Variants in LIMA1 observed in about 807,000 individuals in gnomAD.
The protein encoded by LIMA1 is LIM domain and actin binding 1.
In LIMA1, 52 loss-of-function variants were observed where a neutral mutation model predicts 62.6. The ratio of observed to expected loss-of-function variants is 0.83; its 90% CI spans 0.67 to 1.05. The LOEUF is 1.05. Among genes scored for constraint, LIMA1 ranks in the 50% least tolerant of loss-of-function variants. The probability of loss-of-function intolerance (pLI) is 0.00; values close to 1 mark genes in which losing one functional copy is unlikely to be tolerated. For missense variants in LIMA1, 780 were observed against 902.2 expected, an observed-to-expected ratio of 0.86 and a Z score of 1.74; for synonymous variants, 302 against 317.8, an observed-to-expected ratio of 0.95 and a Z score of 0.53.
chr12:50,258,312 GT>G (rs1203540433), intron 1 of LIMA1, among the ~76,000 whole-genome samples: 1 of 152,104 alleles, frequency 6.6e-6, no homozygotes, highest in Admixed American at 6.5e-5. Flanking sequence ...GTGTGTGTGT[GT>G]GTGTGTGTGA....
intron 1 of LIMA1, among the ~76,000 whole-genome samples, chr12:50,252,380 G>C (rs1314820458): frequency 6.6e-6 from 1 of 152,022 alleles, no homozygotes; most frequent in African/African-American, 2.4e-5. Context: ...AGGAGTTTGA[G>C]ACCAGCCTGC....
chr12:50,231,853 T>A (rs1194149922), intron 2 of LIMA1, 143 bp from the exon 3 acceptor site: 1 of 713,670 alleles, frequency 1.4e-6, no homozygotes, highest in East Asian at 2.8e-5. Flanking sequence ...CTGCAACTTC[T>A]ACCTCCCGGG....
Position 50,193,676 on chromosome 12 carries a change from T to A in LIMA1, c.1031-1115A>T, listed in dbSNP as rs1490352918. 1.6e-4 allele frequency among the ~76,000 whole-genome samples: 21 copies of A among 132,102 alleles called. 1 individual carries two copies. The highest frequency in any genetic ancestry group is 4.3e-4 in the African/African-American group (15 of 35,038). The allele number at this position is 132,102 out of a possible 152,430, so 86.7% of individuals were successfully genotyped here. Reference sequence around the variant, plus strand: ...TATATATATATATATATTTTTTTTTTTTTTTTTTTTCAGAGTCTCACTCTG... The same window carrying A: ...TATATATATATATATATTTTTTTTTATTTTTTTTTTCAGAGTCTCACTCTG... On this transcript the variant is annotated intron_variant, in intron 8 of 10. Coordinates refer to ENST00000341247, the MANE Select transcript of LIMA1 (RefSeq NM_016357.5).
At chr12:50,237,776 A>C (rs1168169826) in intron 2 of LIMA1, among the ~76,000 whole-genome samples, 4 of 152,246 alleles carry the variant, frequency 2.6e-5, no homozygotes, top group Non-Finnish European at 5.9e-5. Context: ...ACAGCCCAGA[A>C]ATAAACCCTT....
chr12:50,192,897 T>C (rs1159102929), intron 8 of LIMA1, among the ~76,000 whole-genome samples: 1 of 152,222 alleles, frequency 6.6e-6, no homozygotes, highest in Non-Finnish European at 1.5e-5. Flanking sequence ...TTTTGGTCAT[T>C]AACATTCCTA....
chr12:50,208,629 AAC>A (rs2138502277), intron 4 of LIMA1, among the ~76,000 whole-genome samples: 1 of 152,276 alleles, frequency 6.6e-6, no homozygotes, highest in South Asian at 2.1e-4. Flanking sequence ...CAGCCTGGGC[AAC>A]AGAGTGTGAC....
intron 1 of LIMA1, among the ~76,000 whole-genome samples, chr12:50,261,040 ATATTTT>A (rs1942062337): frequency 6.1e-5 from 3 of 48,894 alleles, no homozygotes; most frequent in Admixed American, 3.1e-4. Context: ...GCCATCTAGT[ATATTTT>A]TTTTTTTTTT....
chr12:50,257,287 T>C (rs1942008788), intron 1 of LIMA1, among the ~76,000 whole-genome samples: 1 of 152,198 alleles, frequency 6.6e-6, no homozygotes, highest in African/African-American at 2.4e-5. Flanking sequence ...TACATAGAGA[T>C]GAAGTCTCCC....
chr12:50,278,039 G>A (rs1942295254), intron 1 of LIMA1, among the ~76,000 whole-genome samples: 1 of 152,176 alleles, frequency 6.6e-6, no homozygotes, highest in South Asian at 2.1e-4. Context: ...ACTTTGGGAG[G>A]CCGAGGTGGG....
chr12:50,203,085 C>T (rs2138478552), intron 6 of LIMA1, among the ~76,000 whole-genome samples: 1 of 149,294 alleles, frequency 6.7e-6, no homozygotes, highest in East Asian at 2.0e-4. Flanking sequence ...TCTCAGCTCA[C>T]TGTAACCTCC....
At chr12:50,217,820 C>T in intron 4 of LIMA1, 2 of 289,392 alleles carry the variant, frequency 6.9e-6, no homozygotes, top group African/African-American at 2.2e-5. Flanking sequence ...GGGAAGTACA[C>T]AGGCATCTAG....
chr12:50,235,475 C>T (rs963709810), intron 2 of LIMA1, among the ~76,000 whole-genome samples: 1 of 151,668 alleles, frequency 6.6e-6, no homozygotes, highest in Non-Finnish European at 1.5e-5. Context: ...AAGTTTGCCA[C>T]GCTGGTCTCG....
At chr12:50,224,526 G>C (rs542873556) in intron 3 of LIMA1, 1 of 152,314 alleles carries the variant, frequency 6.6e-6, no homozygotes, top group African/African-American at 2.4e-5. Flanking sequence ...CCACACAATG[G>C]ATGAGTCATC....
chr12:50,255,611 A>T (rs1208624191), intron 1 of LIMA1, among the ~76,000 whole-genome samples: 1 of 151,558 alleles, frequency 6.6e-6, no homozygotes, highest in Non-Finnish European at 1.5e-5. Flanking sequence ...AAGAAAGGAA[A>T]GAAAGAAAAG....
chr12:50,268,448 GATA>G (rs1447815401), intron 1 of LIMA1, among the ~76,000 whole-genome samples: 1 of 152,174 alleles, frequency 6.6e-6, no homozygotes, highest in Non-Finnish European at 1.5e-5. Context: ...CATCTAGACA[GATA>G]ATGTCAGAAT....
chr12:50,280,457 C>T (rs1306371813), intron 1 of LIMA1, among the ~76,000 whole-genome samples: 1 of 151,940 alleles, frequency 6.6e-6, no homozygotes, highest in South Asian at 2.1e-4. Flanking sequence ...CGCGCCCGGC[C>T]CAGGGTAGTA....
chr12:50,215,114 T>G (rs981304196), intron 4 of LIMA1, among the ~76,000 whole-genome samples: 4 of 152,146 alleles, frequency 2.6e-5, no homozygotes, highest in African/African-American at 4.8e-5. Context: ...CATCACACTT[T>G]AGCTTGGTTG....
In LIMA1 at chr12:50,177,249, G is replaced by C; in HGVS notation, c.2095C>G (p.Pro699Ala). Residue 699 changes from proline (P) to alanine (A), a missense_variant, in exon 11 of 11, where the codon CCA becomes GCA. Coordinates refer to ENST00000341247, the MANE Select transcript of LIMA1 (RefSeq NM_016357.5). ...CAATTCAGAGACTTGGGTTCTTGTG[G>C]AGATTGTTGTTTGAGGAAGCTGTTA... ...DDNSFLKQQS[P>A]QEPKSLNWSS... 1 of 1,614,058 alleles carries C rather than the reference G, an allele frequency of 6.2e-7. No individual in the cohort carries two copies. Among genetic ancestry groups the C allele is most frequent in the Admixed American group, 1.7e-5 (1 of 59,996 alleles).
intron 1 of LIMA1, among the ~76,000 whole-genome samples, chr12:50,257,488 C>T (rs1293995426): frequency 6.6e-6 from 1 of 152,210 alleles, no homozygotes; most frequent in Non-Finnish European, 1.5e-5. Flanking sequence ...AGGGCAGTCA[C>T]ACCAGCAGTG....
Sources: allele counts gnomAD v4.1 joint callset (sites outside exome capture counted in the v4.1 genomes callset), GRCh38; gene constraint gnomAD v4.1.1; transcripts MANE v1.5; gene names NCBI Gene and HGNC (gene_info 2026-07-23, HGNC 2026-07-21).